Variants in ZNF341 observed in about 807,000 individuals in gnomAD.
ZNF341 encodes zinc finger protein 341.
In ZNF341, 52 loss-of-function variants were observed where a neutral mutation model predicts 87.7. That is an observed-to-expected ratio of 0.59 (90% CI 0.47 to 0.75). The LOEUF (loss-of-function observed/expected upper bound fraction) is 0.75. Ranked by LOEUF, ZNF341 falls within the 30% of genes least tolerant of loss-of-function variation. ZNF341 has a pLI of 0.00. For missense variants in ZNF341, 977 were observed against 1,145.9 expected (o/e 0.85, Z 2.13); for synonymous variants, 459 against 472.7 (o/e 0.97, Z 0.38).
At chr20:33,786,025 A>AC (rs1470794670) in intron 12 of ZNF341, among the ~76,000 whole-genome samples, 1 of 118,940 alleles carries the variant, frequency 8.4e-6, no homozygotes, top group Non-Finnish European at 1.7e-5. Flanking sequence ...CTATGTATGA[A>AC]CCTTTTTTTT....
intron 10 of ZNF341, among the ~76,000 whole-genome samples, chr20:33,780,616 G>A (rs559884662): frequency 1.3e-5 from 2 of 151,996 alleles, no homozygotes; most frequent in East Asian, 3.9e-4. Flanking sequence ...CATCATGTTG[G>A]CCAGGCTGGT....
intron 8 of ZNF341, among the ~76,000 whole-genome samples, chr20:33,765,696 C>A (rs1210534171): frequency 6.6e-6 from 1 of 151,956 alleles, no homozygotes; most frequent in Non-Finnish European, 1.5e-5. Flanking sequence ...TAAATAATTT[C>A]TTCCATTTTT....
chr20:33,776,858 C>T (rs896739941), intron 10 of ZNF341, among the ~76,000 whole-genome samples: 31 of 152,182 alleles, frequency 2.0e-4, no homozygotes, highest in African/African-American at 7.5e-4. Context: ...CAGGGTCTTA[C>T]TGTGTTGCCC....
intron 9 of ZNF341, among the ~76,000 whole-genome samples, chr20:33,767,418 C>T (rs1196613907): frequency 6.6e-6 from 1 of 150,940 alleles, no homozygotes; most frequent in East Asian, 1.9e-4. Flanking sequence ...TACTCTTCCG[C>T]CCAGGCTGGA....
intron 10 of ZNF341, among the ~76,000 whole-genome samples, chr20:33,777,502 C>T (rs555796295): frequency 2.0e-5 from 3 of 151,460 alleles, no homozygotes; most frequent in South Asian, 4.2e-4. Context: ...GGTGTGGTGG[C>T]GGGCACCTGT....
intron 14 of ZNF341, among the ~76,000 whole-genome samples, chr20:33,790,545 G>A (rs1279720676): frequency 6.6e-6 from 1 of 152,222 alleles, no homozygotes; most frequent in Non-Finnish European, 1.5e-5. Context: ...TCCCTTGTTT[G>A]AGAAGGTTTA....
At chr20:33,783,686 A>T in intron 11 of ZNF341, 46 bp from the exon 12 acceptor site, 2 of 1,612,362 alleles carry the variant, frequency 1.2e-6, no homozygotes. Context: ...TGGCCAGGGG[A>T]GGGGGGCCCG....
intron 1 of ZNF341, among the ~76,000 whole-genome samples, chr20:33,736,450 T>C (rs2626544): frequency 0.036 from 5,472 of 152,198 alleles, 352 homozygotes; most frequent in African/African-American, 0.12. Flanking sequence ...AACTAAACTG[T>C]CTTTGTAAAG....
chr20:33,789,441 C>A, intron 13 of ZNF341, 77 bp from the exon 14 acceptor site: 1 of 1,490,748 alleles, frequency 6.7e-7, no homozygotes, highest in Admixed American at 1.7e-5. Flanking sequence ...GTCCCTTGTG[C>A]CCAGGGCTAG....
At chr20:33,748,175 G>A (rs745978839) in intron 3 of ZNF341, among the ~76,000 whole-genome samples, 2 of 151,928 alleles carry the variant, frequency 1.3e-5, no homozygotes, top group Non-Finnish European at 2.9e-5. Context: ...AGGTTCAAGC[G>A]GTTCTCCTGC....
At chr20:33,777,666 G>A (rs1321980827) in intron 10 of ZNF341, among the ~76,000 whole-genome samples, 2 of 151,206 alleles carry the variant, frequency 1.3e-5, no homozygotes, top group African/African-American at 4.9e-5. Context: ...AAAGAAATCA[G>A]GAAGTTAATA....
At chr20:33,747,228 T>G (rs1169413219) in intron 3 of ZNF341, among the ~76,000 whole-genome samples, 1 of 152,158 alleles carries the variant, frequency 6.6e-6, no homozygotes, top group African/African-American at 2.4e-5. Context: ...ATTATCTTCA[T>G]TCATTGTATA....
intron 1 of ZNF341, among the ~76,000 whole-genome samples, chr20:33,734,171 TG>T (rs200388389): frequency 1.3e-5 from 2 of 151,214 alleles, no homozygotes; most frequent in East Asian, 3.9e-4. Context: ...GGCAGGAGAA[TG>T]GCCCAGGCAG....
At chr20:33,763,604 G>A (rs1040452906) in intron 8 of ZNF341, among the ~76,000 whole-genome samples, 11 of 151,888 alleles carry the variant, frequency 7.2e-5, no homozygotes, top group African/African-American at 2.2e-4. Flanking sequence ...TGGCTAACAC[G>A]TAGTTTTTCA....
rs1322536979 is a variant in ZNF341, at chr20:33,764,911, C to T, written c.1223-1940C>T. ...GTGCAATCATAACTCATTGTAGCCT[C>T]GAACTCCCGGACTCAAGTGATCCTC... On this transcript the variant is annotated intron_variant, in intron 8 of 14. Transcript: ENST00000375200. Among the ~76,000 whole-genome samples, 4 of 151,838 alleles carry T rather than the reference C, an allele frequency of 2.6e-5. No homozygotes were observed. The South Asian group carries it at 6.2e-4, about 24-fold the overall frequency.
chr20:33,786,508 G>C (rs2019865760), intron 12 of ZNF341, among the ~76,000 whole-genome samples: 1 of 152,054 alleles, frequency 6.6e-6, no homozygotes, highest in Admixed American at 6.6e-5. Flanking sequence ...GTTGCATGAT[G>C]GTGCAAATGT....
In ZNF341 at chr20:33,757,281, C is replaced by A; in HGVS notation, c.875C>A (p.Thr292Asn). ...AGCGCCACCGGGGGCACGGTGGCCA[C>A]CTTTGACTCTCCAGCAACGCTGAAG... ...MTSATGGTVA[T>N]FDSPATLKTR... The change falls in exon 6 of 15, where the codon ACC becomes AAC. Residue 292 changes from threonine (T) to asparagine (N), a missense_variant. Coordinates refer to ENST00000375200, the MANE Select transcript of ZNF341 (RefSeq NM_001282933.2). 6.2e-7 allele frequency: 1 copy of A among 1,604,854 alleles called. No homozygotes were observed. Among genetic ancestry groups the A allele is most frequent in the Non-Finnish European group, 8.5e-7 (1 of 1,176,454 alleles).
chr20:33,744,035 A>T (rs928630909), intron 2 of ZNF341, among the ~76,000 whole-genome samples: 3 of 152,142 alleles, frequency 2.0e-5, no homozygotes, highest in Non-Finnish European at 4.4e-5. Context: ...TAATCCCAGC[A>T]CTTTGGGAGG....
rs151183735 is a variant in ZNF341, at chr20:33,783,442, C to T, written c.1720-290C>T. 3.9e-3 allele frequency among the ~76,000 whole-genome samples: 598 copies of T among 152,262 alleles called. 3 individuals are homozygous for T. The highest frequency in any genetic ancestry group is 0.013 in the African/African-American group (545 of 41,560). ...AGGGAAGGCTTGACAGGAGCAGTGA[C>T]GCCCGAGTTGGGTCTTGAAGGATGT... is the stretch of plus-strand genomic sequence containing the variant. On this transcript the variant is annotated intron_variant, in intron 11 of 14. Coordinates refer to ENST00000375200, the MANE Select transcript of ZNF341 (RefSeq NM_001282933.2).
Sources: gnomAD v4.1 joint callset for allele counts (sites outside exome capture counted in the v4.1 genomes callset) on GRCh38, gnomAD v4.1.1 for gene constraint, MANE v1.5 for transcripts, NCBI Gene and HGNC (gene_info 2026-07-23, HGNC 2026-07-21) for gene names.